PRR5L: variants seen among roughly 807,000 people sequenced by gnomAD.
The protein encoded by PRR5L is proline rich 5 like.
A neutral mutation model predicts 36.4 loss-of-function variants in PRR5L; 21 were observed. That is an observed-to-expected ratio of 0.58 (90% CI 0.41 to 0.83). The LOEUF is 0.83. Ranked by LOEUF, PRR5L falls within the 40% of genes least tolerant of loss-of-function variation. PRR5L has a pLI of 0.00. For synonymous variants in PRR5L, 188 were observed against 197.0 expected (o/e 0.95, Z 0.38); for missense variants, 381 against 473.3 (o/e 0.80, Z 1.81).
At chr11:36,379,711 C>T (rs1857337415) in intron 1 of PRR5L, among the ~76,000 whole-genome samples, 1 of 152,008 alleles carries the variant, frequency 6.6e-6, no homozygotes, top group African/African-American at 2.4e-5. Flanking sequence ...CACATGGAGC[C>T]AAGGAGGGGG....
intron 8 of PRR5L, among the ~76,000 whole-genome samples, chr11:36,454,991 C>A (rs918178019): frequency 2.0e-5 from 3 of 152,348 alleles, no homozygotes; most frequent in African/African-American, 7.2e-5. Flanking sequence ...TCTTTCAAGT[C>A]CCCGAAGTCT....
intron 8 of PRR5L, among the ~76,000 whole-genome samples, chr11:36,461,878 A>C (rs1428567715): frequency 1.3e-5 from 2 of 152,122 alleles, no homozygotes; most frequent in Non-Finnish European, 2.9e-5. Context: ...GTAACTCCCC[A>C]GTTATCTCTT....
intron 1 of PRR5L, among the ~76,000 whole-genome samples, chr11:36,311,282 C>A (rs561801757): frequency 1.2e-4 from 19 of 152,308 alleles, no homozygotes; most frequent in Admixed American, 1.2e-3. Context: ...AGAAATATCA[C>A]CTCTTGGTGA....
intron 1 of PRR5L, chr11:36,301,117 G>A (rs1856371549): frequency 6.6e-6 from 1 of 152,508 alleles, no homozygotes; most frequent in African/African-American, 2.4e-5. Flanking sequence ...ATGGAGGCAT[G>A]GAAAAGCATG....
chr11:36,377,755 G>C lies in PRR5L; in HGVS notation c.-125-23242G>C, dbSNP rs147682438. On this transcript the variant is annotated intron_variant, in intron 1 of 8. Transcript: ENST00000530639. The surrounding 1 kb of genome is among the most constrained non-coding windows in gnomAD (Gnocchi z 5.1). ...TATTTATAGACGCCACGGCAGTCCT[G>C]CGGTGCGCAAGGTTTCAATTACTGC... The C allele has an allele frequency of 1.4e-4, 22 of 152,406 alleles. No individual in the cohort carries two copies. The highest frequency in any genetic ancestry group is 5.3e-4 in the African/African-American group (22 of 41,598). 9.4% of individuals were successfully genotyped at this position (152,406 alleles called of 1,614,324 possible). A position where few individuals can be genotyped will look rare whatever the true frequency, so the allele number is the denominator to read the frequency against.
intron 1 of PRR5L, among the ~76,000 whole-genome samples, chr11:36,345,371 G>C (rs979485684): frequency 6.6e-6 from 1 of 152,154 alleles, no homozygotes; most frequent in Non-Finnish European, 1.5e-5. Flanking sequence ...TAGGGAACAT[G>C]ATTGCAGTGT....
chr11:36,446,556 T>G (rs1435552499), intron 7 of PRR5L, 116 bp downstream of exon 7: 1 of 1,246,900 alleles, frequency 8.0e-7, no homozygotes, highest in African/African-American at 1.5e-5. Flanking sequence ...CTTGGCTTAC[T>G]ACTATTTAGT....
chr11:36,351,005 TTTATATAG>T (rs1856932380), intron 1 of PRR5L, among the ~76,000 whole-genome samples: 4 of 102,154 alleles, frequency 3.9e-5, no homozygotes, highest in African/African-American at 8.4e-5. Flanking sequence ...TTTATATATA[TTTATATAG>T]TTATATATTT....
chr11:36,300,788 C>T (rs537512529), intron 1 of PRR5L, among the ~76,000 whole-genome samples: 5 of 152,292 alleles, frequency 3.3e-5, no homozygotes, highest in African/African-American at 9.6e-5. Flanking sequence ...AGGCTGCCTG[C>T]CAAGGCTGTG....
intron 1 of PRR5L, among the ~76,000 whole-genome samples, chr11:36,325,256 C>T (rs1856649235): frequency 6.6e-6 from 1 of 152,202 alleles, no homozygotes; most frequent in South Asian, 2.1e-4. Context: ...GATGGCAAGC[C>T]TTTAGCCCGA....
intron 6 of PRR5L, 48 bp from the exon 7 acceptor site, chr11:36,446,252 A>T: frequency 6.2e-7 from 1 of 1,602,172 alleles, no homozygotes; most frequent in Non-Finnish European, 8.5e-7. Flanking sequence ...TCGGTGGCAG[A>T]TTCAGTAAGC....
chr11:36,371,609 A>C (rs957761284), intron 1 of PRR5L, among the ~76,000 whole-genome samples: 9 of 152,176 alleles, frequency 5.9e-5, no homozygotes, highest in Non-Finnish European at 1.2e-4. Context: ...AAAGGAGAAA[A>C]CTTATGGGAG....
chr11:36,374,099 T>G (rs1857226990), intron 1 of PRR5L, among the ~76,000 whole-genome samples: 1 of 112,294 alleles, frequency 8.9e-6, no homozygotes. Context: ...CCTTCCTTCC[T>G]TCCTTCCTCT....
At chr11:36,318,479 G>A (rs756955788) in intron 1 of PRR5L, among the ~76,000 whole-genome samples, 10 of 146,506 alleles carry the variant, frequency 6.8e-5, no homozygotes, top group Non-Finnish European at 1.4e-4. Flanking sequence ...CTGCCAGTTG[G>A]TGTTCGTTTG....
At chr11:36,453,485 G>A (rs1238861746) in intron 8 of PRR5L, among the ~76,000 whole-genome samples, 1 of 152,178 alleles carries the variant, frequency 6.6e-6, no homozygotes. Context: ...CTTGTACCTA[G>A]GACAGTCCCT....
intron 1 of PRR5L, among the ~76,000 whole-genome samples, chr11:36,367,088 G>T (rs907789088): frequency 1.3e-5 from 2 of 151,980 alleles, no homozygotes. Context: ...AAGTGGGAAG[G>T]GTGTAAATGT....
intron 1 of PRR5L, among the ~76,000 whole-genome samples, chr11:36,339,869 C>T (rs1856801954): frequency 6.6e-6 from 1 of 152,248 alleles, no homozygotes; most frequent in Admixed American, 6.5e-5. Context: ...TGGCCTTGCC[C>T]CAGCCTGGGC....
chr11:36,440,641 C>T (rs533836927), intron 6 of PRR5L, among the ~76,000 whole-genome samples: 13 of 152,260 alleles, frequency 8.5e-5, no homozygotes, highest in South Asian at 6.2e-4. Context: ...AGAGTTAGCT[C>T]ATGACTGACT....
intron 1 of PRR5L, among the ~76,000 whole-genome samples, chr11:36,362,698 C>T (rs1238056155): frequency 6.6e-6 from 1 of 152,176 alleles, no homozygotes. Flanking sequence ...CTCCTTCCTT[C>T]CATAAAAGGT....
Sources: gnomAD v4.1 joint callset for allele counts (sites outside exome capture counted in the v4.1 genomes callset) on GRCh38, gnomAD v4.1.1 for gene constraint, Gnocchi (gnomAD v3.1) non-coding constraint, MANE v1.5 for transcripts, NCBI Gene and HGNC (gene_info 2026-07-23, HGNC 2026-07-21) for gene names.